C10orf90: variants seen among roughly 807,000 people sequenced by gnomAD.
C10orf90 encodes the protein (E2-independent) E3 ubiquitin-conjugating enzyme FATS.
In C10orf90, 56 loss-of-function variants were observed where a neutral mutation model predicts 62.5. That is an observed-to-expected ratio of 0.90 (90% CI 0.72 to 1.12). The LOEUF is 1.12. Among genes scored for constraint, C10orf90 ranks in the 50% most tolerant of loss-of-function variants. The pLI, the probability that C10orf90 is intolerant of heterozygous loss-of-function variation, is 0.00. For synonymous variants in C10orf90, 386 were observed against 340.4 expected (o/e 1.13, Z -1.47); for missense variants, 970 against 880.4 (o/e 1.10, Z -1.29).
At chr10:126,653,022 C>A (rs1295278492) in intron 1 of C10orf90, among the ~76,000 whole-genome samples, 1 of 152,062 alleles carries the variant, frequency 6.6e-6, no homozygotes, top group Non-Finnish European at 1.5e-5. Context: ...TGTATTATGT[C>A]AAAAAATGTA....
chr10:126,531,630 T>A (rs1194572937), intron 2 of C10orf90, among the ~76,000 whole-genome samples: 2 of 152,092 alleles, frequency 1.3e-5, no homozygotes, highest in African/African-American at 2.4e-5. Context: ...TTCACAAAAA[T>A]TAACTTGAAA....
At chr10:126,467,280 A>G (rs1860343834) in intron 4 of C10orf90, among the ~76,000 whole-genome samples, 1 of 152,236 alleles carries the variant, frequency 6.6e-6, no homozygotes, top group Non-Finnish European at 1.5e-5. Context: ...AGAAATATGC[A>G]GCCAAAGAAG....
chr10:126,611,839 G>A (rs1300402523), intron 2 of C10orf90, among the ~76,000 whole-genome samples: 1 of 152,122 alleles, frequency 6.6e-6, no homozygotes, highest in South Asian at 2.1e-4. Flanking sequence ...ACAGTAGTTG[G>A]GTCCCAAGTG....
At chr10:126,490,594 A>G (rs977364811) in intron 4 of C10orf90, among the ~76,000 whole-genome samples, 3 of 152,080 alleles carry the variant, frequency 2.0e-5, no homozygotes, top group African/African-American at 7.2e-5. Flanking sequence ...ATGCCACAGA[A>G]CTGTACGCTT....
chr10:126,430,852 C>T (rs1400884452), intron 7 of C10orf90, among the ~76,000 whole-genome samples: 1 of 152,128 alleles, frequency 6.6e-6, no homozygotes, highest in Non-Finnish European at 1.5e-5. Flanking sequence ...AGTGGAGCAA[C>T]CAAATATTTC....
At chr10:126,588,836 C>G (rs1395511490) in intron 2 of C10orf90, among the ~76,000 whole-genome samples, 1 of 152,098 alleles carries the variant, frequency 6.6e-6, no homozygotes, top group African/African-American at 2.4e-5. Flanking sequence ...AGCAAGGGCA[C>G]AGAAATGGGC....
chr10:126,614,835 T>C (rs1469705757), intron 2 of C10orf90, among the ~76,000 whole-genome samples: 2 of 152,218 alleles, frequency 1.3e-5, no homozygotes, highest in East Asian at 3.8e-4. Flanking sequence ...CTGTGAAATA[T>C]AGCAGTAGAA....
At chr10:126,549,836 A>C (rs1313638706) in intron 2 of C10orf90, among the ~76,000 whole-genome samples, 1 of 152,208 alleles carries the variant, frequency 6.6e-6, no homozygotes, top group African/African-American at 2.4e-5. Flanking sequence ...TGGGACGCTC[A>C]ACAAAAATAG....
At chr10:126,507,332 G>C (rs1187671109) in intron 3 of C10orf90, among the ~76,000 whole-genome samples, 1 of 145,584 alleles carries the variant, frequency 6.9e-6, no homozygotes, top group Admixed American at 6.8e-5. Context: ...ACTCCAGCCT[G>C]GGTGACAGAG....
chr10:126,632,437 A>G (rs1258683750), intron 2 of C10orf90, among the ~76,000 whole-genome samples: 1 of 151,626 alleles, frequency 6.6e-6, no homozygotes, highest in African/African-American at 2.4e-5. Flanking sequence ...AAATATTCCC[A>G]TTTGGTAGAT....
chr10:126,542,418 G>A (rs189064649), intron 2 of C10orf90, among the ~76,000 whole-genome samples: 14 of 152,258 alleles, frequency 9.2e-5, no homozygotes, highest in Middle Eastern at 3.4e-3. Context: ...CAGGAGAATT[G>A]CTTGAACTCG....
intron 2 of C10orf90, among the ~76,000 whole-genome samples, chr10:126,642,672 A>T (rs1381561496): frequency 6.6e-6 from 1 of 152,086 alleles, no homozygotes; most frequent in Non-Finnish European, 1.5e-5. Flanking sequence ...CTGTAATCTC[A>T]GCCATTCTCA....
intron 2 of C10orf90, among the ~76,000 whole-genome samples, chr10:126,644,290 G>C (rs1846121668): frequency 6.6e-6 from 1 of 152,162 alleles, no homozygotes; most frequent in Non-Finnish European, 1.5e-5. Flanking sequence ...TGCGCTGAAG[G>C]CTCCCTCCTC....
chr10:126,578,878 C>T (rs1844681908), intron 2 of C10orf90, among the ~76,000 whole-genome samples: 1 of 152,042 alleles, frequency 6.6e-6, no homozygotes, highest in Non-Finnish European at 1.5e-5. Context: ...CAAAAATAGG[C>T]CAACGATCTG....
chr10:126,535,540 T>C (rs1293342460), intron 2 of C10orf90, among the ~76,000 whole-genome samples: 1 of 151,620 alleles, frequency 6.6e-6, no homozygotes, highest in Non-Finnish European at 1.5e-5. Flanking sequence ...AAAATTGTCT[T>C]CTGTCCGACA....
intron 7 of C10orf90, among the ~76,000 whole-genome samples, chr10:126,433,273 G>C (rs900340747): frequency 3.3e-5 from 5 of 152,164 alleles, no homozygotes; most frequent in African/African-American, 1.2e-4. Context: ...AGAGCTCAGA[G>C]CCCAGGATGA....
intron 7 of C10orf90, among the ~76,000 whole-genome samples, chr10:126,446,512 A>G (rs560629772): frequency 1.3e-5 from 2 of 152,246 alleles, no homozygotes; most frequent in East Asian, 3.9e-4. Flanking sequence ...AAAATCTGTC[A>G]ACCAAAAATT....
chr10:126,622,525 C>T (rs1550167), intron 2 of C10orf90, among the ~76,000 whole-genome samples: 86,080 of 152,088 alleles, frequency 0.57, 24,708 homozygotes, highest in Middle Eastern at 0.69. Flanking sequence ...CCACTGCTAA[C>T]GGGTAGAGGC....
chr10:126,518,535 A>C (rs1478174570), intron 2 of C10orf90, among the ~76,000 whole-genome samples: 1 of 152,126 alleles, frequency 6.6e-6, no homozygotes. Context: ...TTCAATTCAA[A>C]TAAAACCGTC....
Sources: gnomAD v4.1 joint callset for allele counts (sites outside exome capture counted in the v4.1 genomes callset) on GRCh38, gnomAD v4.1.1 for gene constraint, MANE v1.5 for transcripts, NCBI Gene and HGNC (gene_info 2026-07-23, HGNC 2026-07-21) for gene names.